Variants in KCNIP4 observed in about 807,000 individuals in gnomAD.
KCNIP4 encodes the protein Kv channel-interacting protein 4.
In KCNIP4, 12 loss-of-function variants were observed where a neutral mutation model predicts 34.0. That is an observed-to-expected ratio of 0.35 (90% CI 0.23 to 0.57). The LOEUF (loss-of-function observed/expected upper bound fraction) is 0.57. Among genes scored for constraint, KCNIP4 ranks in the 20% least tolerant of loss-of-function variants. KCNIP4 has a pLI of 0.83. For synonymous variants in KCNIP4, 124 were observed against 102.2 expected, an observed-to-expected ratio of 1.21 and a Z score of -1.29; for missense variants, 238 against 311.7, an observed-to-expected ratio of 0.76 and a Z score of 1.78.
intron 1 of KCNIP4, among the ~76,000 whole-genome samples, chr4:21,197,848 C>G (rs1472721658): frequency 2.6e-5 from 4 of 152,132 alleles, no homozygotes; most frequent in African/African-American, 9.7e-5. Flanking sequence ...AATAGCTTAA[C>G]TTTGGACTCA....
In KCNIP4 at chr4:20,994,783, A is replaced by T. The variant is rs150878398; in HGVS notation, c.62-112074T>A. On this transcript the variant is annotated intron_variant, in intron 1 of 8. Coordinates refer to ENST00000382152, the MANE Select transcript of KCNIP4 (RefSeq NM_025221.6). ...ATTCAGCCTTCTTAGGATGGATAAA[A>T]CCAAAAATGAACTAAACTCTTCAGC... is the stretch of plus-strand genomic sequence containing the variant. Among the ~76,000 whole-genome samples the T allele has an allele frequency of 2.0e-5, 3 of 152,290 alleles. No homozygotes were observed. The East Asian group carries it at 5.8e-4, about 29-fold the overall frequency.
At chr4:21,111,576 G>T (rs1238316348) in intron 1 of KCNIP4, among the ~76,000 whole-genome samples, 1 of 152,184 alleles carries the variant, frequency 6.6e-6, no homozygotes, top group South Asian at 2.1e-4. Flanking sequence ...GCCTGCCTCA[G>T]TCTCTCAGTT....
chr4:21,299,046 A>G (rs2109234976), intron 1 of KCNIP4, among the ~76,000 whole-genome samples: 1 of 152,226 alleles, frequency 6.6e-6, no homozygotes, highest in South Asian at 2.1e-4. Flanking sequence ...AGTGGACTCT[A>G]TAGGTCTAAG....
intron 1 of KCNIP4, among the ~76,000 whole-genome samples, chr4:21,576,736 C>G (rs186123915): frequency 6.6e-6 from 1 of 151,976 alleles, no homozygotes; most frequent in African/African-American, 2.4e-5. Flanking sequence ...TGCTCTTAAC[C>G]CTGACCTCAT....
chr4:21,718,170 G>T (rs973291111), intron 1 of KCNIP4, among the ~76,000 whole-genome samples: 2 of 152,286 alleles, frequency 1.3e-5, no homozygotes, highest in Middle Eastern at 3.4e-3. Context: ...AAAGGAGTAT[G>T]TGTGCTCTCC....
chr4:21,023,364 A>T (rs1740242480), intron 1 of KCNIP4, among the ~76,000 whole-genome samples: 1 of 152,184 alleles, frequency 6.6e-6, no homozygotes, highest in Non-Finnish European at 1.5e-5. Context: ...TAAAAAATTC[A>T]CTAGCAGAAA....
chr4:21,157,355 T>C (rs1241707828), intron 1 of KCNIP4, among the ~76,000 whole-genome samples: 1 of 148,038 alleles, frequency 6.8e-6, no homozygotes, highest in Non-Finnish European at 1.5e-5. Flanking sequence ...TTTTTTTTTT[T>C]CTTTCTAACA....
chr4:21,137,867 C>T (rs1751620947), intron 1 of KCNIP4, among the ~76,000 whole-genome samples: 1 of 105,318 alleles, frequency 9.5e-6, no homozygotes, highest in Non-Finnish European at 1.9e-5. Flanking sequence ...TTCCCTTACA[C>T]AGGCTTTTTT....
chr4:21,124,918 A>C (rs966366257), intron 1 of KCNIP4, among the ~76,000 whole-genome samples: 1 of 152,030 alleles, frequency 6.6e-6, no homozygotes, highest in Non-Finnish European at 1.5e-5. Context: ...AAGGAACCGA[A>C]GTGGGACTTT....
At chr4:20,744,868 T>C (rs1442754899) in intron 5 of KCNIP4, among the ~76,000 whole-genome samples, 1 of 152,166 alleles carries the variant, frequency 6.6e-6, no homozygotes, top group Non-Finnish European at 1.5e-5. Flanking sequence ...AAATTTCCAT[T>C]TGGTGCTCCA....
rs1350841268 is a variant in KCNIP4, at chr4:21,948,586, C to T, written c.46G>A (p.Ala16Thr). The T allele has an allele frequency of 1.9e-6, 3 of 1,613,636 alleles. No homozygotes were observed. Among genetic ancestry groups the T allele is most frequent in the South Asian group, 1.1e-5 (1 of 90,962 alleles). The stretch of plus-strand genomic sequence containing the variant: ...TGCATCCTACCGCCTGTAGAGCTGG[C>T]CTCCTCCAGCTGAGCCGAAATGCTT... Reference protein sequence around the residue: ...VESISAQLEEASSTGGFLYAQ... With the variant: ...VESISAQLEETSSTGGFLYAQ... The change falls in exon 1 of 9, where the codon GCC (alanine) becomes ACC (threonine). Residue 16 changes from alanine to threonine, a missense_variant. Ala to Thr is a moderately conservative substitution (Grantham distance 58). Coordinates refer to ENST00000382152, the MANE Select transcript of KCNIP4 (RefSeq NM_025221.6).
intron 1 of KCNIP4, among the ~76,000 whole-genome samples, chr4:21,251,738 C>G (rs1414226826): frequency 6.6e-6 from 1 of 151,864 alleles, no homozygotes; most frequent in Non-Finnish European, 1.5e-5. Context: ...TGGAAATCAT[C>G]ATTCTCAGTA....
chr4:20,783,298 G>A (rs1342316791), intron 3 of KCNIP4, among the ~76,000 whole-genome samples: 1 of 152,066 alleles, frequency 6.6e-6, no homozygotes, highest in East Asian at 1.9e-4. Flanking sequence ...CACATTTTCA[G>A]GTATCTTTTC....
At chr4:20,965,608 G>T (rs545934217) in intron 1 of KCNIP4, among the ~76,000 whole-genome samples, 1 of 152,282 alleles carries the variant, frequency 6.6e-6, no homozygotes, top group Non-Finnish European at 1.5e-5. Context: ...AGAATGAGAA[G>T]ATTTGTTTTC....
intron 1 of KCNIP4, among the ~76,000 whole-genome samples, chr4:21,944,867 C>T (rs1313349705): frequency 1.3e-5 from 2 of 151,996 alleles, no homozygotes; most frequent in Non-Finnish European, 2.9e-5. Flanking sequence ...GAAATGGGTG[C>T]TTCAATGCCC....
In KCNIP4 at chr4:20,744,337, T is replaced by C. The variant is rs183946043; in HGVS notation, c.429+5325A>G. On this transcript the variant is annotated intron_variant, in intron 5 of 8. Coordinates refer to ENST00000382152, the MANE Select transcript of KCNIP4 (RefSeq NM_025221.6). Reference sequence around the variant, plus strand: ...ATGTTTATTGCGGCACTATTCACAGTAGCAAAGACTTGGTACCAACCCAAA... The same window carrying C: ...ATGTTTATTGCGGCACTATTCACAGCAGCAAAGACTTGGTACCAACCCAAA... Among the ~76,000 whole-genome samples the C allele has an allele frequency of 2.6e-4, 39 of 152,322 alleles. No homozygotes were observed. The East Asian group carries it at 3.3e-3, about 13-fold the overall frequency.
At chr4:21,495,886 A>G (rs575041798) in intron 1 of KCNIP4, among the ~76,000 whole-genome samples, 1 of 152,330 alleles carries the variant, frequency 6.6e-6, no homozygotes, top group Non-Finnish European at 1.5e-5. Context: ...GATTGTCAGC[A>G]TCAGAAGTAA....
At chr4:20,734,537 A>C in intron 6 of KCNIP4, 91 bp downstream of exon 6, 1 of 634,938 alleles carries the variant, frequency 1.6e-6, no homozygotes, top group East Asian at 3.1e-5. Context: ...TCCTCAAAAA[A>C]ACTTTTCAAA....
chr4:21,670,098 T>C (rs1305761759), intron 1 of KCNIP4, among the ~76,000 whole-genome samples: 1 of 152,100 alleles, frequency 6.6e-6, no homozygotes, highest in African/African-American at 2.4e-5. Flanking sequence ...ATAGAAAAAT[T>C]AATTATCTTC....
Sources: gnomAD v4.1 joint callset for allele counts (sites outside exome capture counted in the v4.1 genomes callset) on GRCh38, gnomAD v4.1.1 for gene constraint, MANE v1.5 for transcripts, NCBI Gene and HGNC (gene_info 2026-07-23, HGNC 2026-07-21) for gene names.